The following MIER3 variants were observed in gnomAD, a reference collection of about 807,000 sequenced individuals.
The protein encoded by MIER3 is mesoderm induction early response protein 3.
MIER3 carries 9 observed loss-of-function variants against 63.2 expected under a neutral mutation model. That is an observed-to-expected ratio of 0.14 (90% CI 0.09 to 0.25). MIER3 has a LOEUF of 0.25. MIER3 is among the 10% of genes least tolerant of loss of function. The pLI is 1.00. For missense variants in MIER3, 512 were observed against 666.2 expected (o/e 0.77, Z 2.55); for synonymous variants, 205 against 224.9 (o/e 0.91, Z 0.79).
intron 4 of MIER3, chr5:56,938,211 A>C (rs1750519583): frequency 2.1e-6 from 1 of 469,532 alleles, no homozygotes; most frequent in African/African-American, 2.0e-5. Flanking sequence ...GCCACTCAAT[A>C]AATACTTGTT....
At chr5:56,939,841 C>A (rs1007762035) in intron 3 of MIER3, among the ~76,000 whole-genome samples, 1 of 152,182 alleles carries the variant, frequency 6.6e-6, no homozygotes, top group African/African-American at 2.4e-5. Context: ...CCAGGATGCA[C>A]ATACAGCTGT....
At chr5:56,928,518 T>G in intron 10 of MIER3, 1 of 289,060 alleles carries the variant, frequency 3.5e-6, no homozygotes, top group Non-Finnish European at 6.4e-6. Context: ...GAGTGAGACT[T>G]CCTAAAAAAT....
At chr5:56,932,372 A>T (rs1468902852) in intron 8 of MIER3, among the ~76,000 whole-genome samples, 1 of 152,248 alleles carries the variant, frequency 6.6e-6, no homozygotes, top group Non-Finnish European at 1.5e-5. Context: ...ATATTCAAAA[A>T]AGCAAAAACA....
In MIER3 at chr5:56,933,390, T is replaced by A. The variant is rs766489254; in HGVS notation, c.604A>T (p.Asn202Tyr). 8 of 1,605,024 alleles carry A rather than the reference T, an allele frequency of 5.0e-6. No individual in the cohort carries two copies. In the African/African-American group the frequency reaches 9.4e-5, roughly 19 times the overall value. Residue 202 changes from asparagine to tyrosine, a missense_variant, in exon 8 of 13, where the codon AAC (asparagine) becomes TAC (tyrosine). Physicochemically the swap from Asn to Tyr is moderately radical, Grantham distance 143 (BLOSUM62 -2). Coordinates refer to ENST00000381199, the MANE Select transcript of MIER3 (RefSeq NM_001297599.2). ...EYDGNEKVYE[N>Y]EDQLLWCPDV... ...GGACACCAAAGTAACTGGTCTTCGT[T>A]TTCATATACTGATAAAGAAAATCCC... is the stretch of plus-strand genomic sequence containing the variant.
intron 2 of MIER3, among the ~76,000 whole-genome samples, chr5:56,949,841 CAA>C (rs1554043379): frequency 2.0e-5 from 3 of 152,148 alleles, no homozygotes; most frequent in Non-Finnish European, 4.4e-5. Context: ...GGGAAGACAG[CAA>C]AGAGGTAAGC....
intron 10 of MIER3, 98 bp downstream of exon 10, chr5:56,928,669 T>C (rs1750122637): frequency 1.3e-6 from 1 of 799,218 alleles, no homozygotes; most frequent in South Asian, 1.9e-5. Context: ...AAGGGAACAT[T>C]AGTAAGTTGT....
Position 56,933,923 on chromosome 5 carries a change from A to C in MIER3, c.596-525T>G, listed in dbSNP as rs550562797. Among the ~76,000 whole-genome samples the C allele has an allele frequency of 1.4e-4, 21 of 145,772 alleles. No individual in the cohort carries two copies. The South Asian group carries it at 4.6e-3, about 32-fold the overall frequency. ...ATTTAAAGGAGAAAATAGATTAACCAAACCTCCCTAGGGAGGTTTTTGGGA... is the reference window on the plus strand; with the variant it reads ...ATTTAAAGGAGAAAATAGATTAACCCAACCTCCCTAGGGAGGTTTTTGGGA... On this transcript the variant is annotated intron_variant, in intron 7 of 12. Transcript: ENST00000381199.
Position 56,922,915 on chromosome 5 carries a change from A to G in MIER3, c.*213T>C. 1.8e-6 allele frequency: 1 copy of G among 553,762 alleles called. No individual in the cohort carries two copies. Among genetic ancestry groups the G allele is most frequent in the Non-Finnish European group, 3.2e-6 (1 of 310,212 alleles). The allele number at this position is 553,762 out of a possible 1,614,324, so 34.3% of individuals were successfully genotyped here. A position where few individuals can be genotyped will look rare whatever the true frequency, so the allele number is the denominator to read the frequency against. ...AAGCTGCACCACAGAGTTCAATCTT[A>G]GTTCCCAACTCTGCTGATCATAGTT... On this transcript the variant is annotated 3_prime_UTR_variant, in exon 13 of 13. Transcript: ENST00000381199.
At chr5:56,926,827 T>C (rs1750008065) in intron 10 of MIER3, among the ~76,000 whole-genome samples, 1 of 152,110 alleles carries the variant, frequency 6.6e-6, no homozygotes, top group Non-Finnish European at 1.5e-5. Flanking sequence ...AGGTATCCTC[T>C]AACAGGTAAG....
intron 7 of MIER3, 41 bp from the exon 8 acceptor site, chr5:56,933,439 C>T (rs370505083): frequency 8.7e-5 from 134 of 1,542,412 alleles, no homozygotes; most frequent in African/African-American, 1.1e-4. Flanking sequence ...AAATCATGAA[C>T]GCACTCAAAG....
intron 4 of MIER3, 100 bp from the exon 5 acceptor site, chr5:56,937,798 C>G: frequency 2.1e-6 from 2 of 966,452 alleles, no homozygotes; most frequent in Non-Finnish European, 2.8e-6. Flanking sequence ...GCAGTTGGAA[C>G]CTTATGAGAG....
chr5:56,932,560 T>G (rs1370577541), intron 8 of MIER3, among the ~76,000 whole-genome samples: 1 of 152,190 alleles, frequency 6.6e-6, no homozygotes, highest in Non-Finnish European at 1.5e-5. Flanking sequence ...GGGTTGGTGA[T>G]TCTCAGTGAT....
At chr5:56,952,136 G>A, upstream of MIER3, 1 of 1,232,090 alleles carries the variant, frequency 8.1e-7, no homozygotes, top group Non-Finnish European at 1.0e-6. Context: ...GCAGCGCCGA[G>A]CCCAGTCCCC....
chr5:56,950,713 G>T, intron 1 of MIER3, 61 bp from the exon 2 acceptor site: 2 of 1,590,094 alleles, frequency 1.3e-6, no homozygotes, highest in Non-Finnish European at 8.6e-7. Flanking sequence ...AGGCAGCGCC[G>T]GCAACAGGGC....
chr5:56,934,612 C>T (rs1159601176), intron 7 of MIER3, among the ~76,000 whole-genome samples: 1 of 152,156 alleles, frequency 6.6e-6, no homozygotes, highest in Non-Finnish European at 1.5e-5. Context: ...TCTTTTAACA[C>T]TTTGAAAGCA....
At chr5:56,932,492 C>T (rs1750303393) in intron 8 of MIER3, among the ~76,000 whole-genome samples, 1 of 151,966 alleles carries the variant, frequency 6.6e-6, no homozygotes, top group African/African-American at 2.4e-5. Context: ...GTATGACTTC[C>T]CTATGTTACT....
chr5:56,923,343 T>C lies in MIER3; in HGVS notation c.1438A>G (p.Lys480Glu). Residue 480 changes from lysine (K) to glutamate (E), a missense_variant, in exon 13 of 13, where the codon AAA (lysine) becomes GAA (glutamate). Transcript: ENST00000381199. ...ACGGCAATGCCCATTTTCAATCTTT[T>C]TGCTGGTCTCTCTGACTCTTCACTG... ...MCSEESERPA[K>E]RLKMGIAVPE... is the part of the protein sequence containing the mutation. 2 of 1,614,230 alleles carry C rather than the reference T, an allele frequency of 1.2e-6. No homozygotes were observed. Among genetic ancestry groups the C allele is most frequent in the Non-Finnish European group, 1.7e-6 (2 of 1,180,040 alleles).
At chr5:56,934,334 G>A (rs951306733) in intron 7 of MIER3, among the ~76,000 whole-genome samples, 1 of 152,200 alleles carries the variant, frequency 6.6e-6, no homozygotes, top group African/African-American at 2.4e-5. Flanking sequence ...ACTTTTGAGA[G>A]AAGTTCCTAG....
chr5:56,929,108 CT>C (rs1402421814), intron 9 of MIER3: 38 of 332,578 alleles, frequency 1.1e-4, no homozygotes, highest in Non-Finnish European at 1.9e-4. Context: ...ATAAACACTG[CT>C]TTTTTTCCAC....
Sources: gnomAD v4.1 joint callset for allele counts (sites outside exome capture counted in the v4.1 genomes callset) on GRCh38, gnomAD v4.1.1 for gene constraint, MANE v1.5 for transcripts, NCBI Gene and HGNC (gene_info 2026-07-23, HGNC 2026-07-21) for gene names.